Variants in PDE8A observed in about 807,000 individuals in gnomAD.
PDE8A encodes the protein high affinity cAMP-specific and IBMX-insensitive 3',5'-cyclic phosphodiesterase 8A.
PDE8A carries 59 observed loss-of-function variants against 105.0 expected under a neutral mutation model. The observed-to-expected ratio is 0.56, with a 90% CI of 0.46 to 0.70. The LOEUF is 0.70. PDE8A is among the 30% of genes least tolerant of loss of function. PDE8A has a pLI of 0.00. For synonymous variants in PDE8A, 355 were observed against 371.9 expected, an observed-to-expected ratio of 0.95 and a Z score of 0.52; for missense variants, 1,014 against 1,045.9, an observed-to-expected ratio of 0.97 and a Z score of 0.42.
intron 19 of PDE8A, among the ~76,000 whole-genome samples, chr15:85,125,419 C>T (rs1171327068): frequency 6.6e-6 from 1 of 152,090 alleles, no homozygotes; most frequent in Non-Finnish European, 1.5e-5. Flanking sequence ...AATAGTGGTT[C>T]TATTACATCA....
chr15:84,994,935 C>T (rs2079950632), intron 1 of PDE8A, among the ~76,000 whole-genome samples: 1 of 150,916 alleles, frequency 6.6e-6, no homozygotes, highest in Non-Finnish European at 1.5e-5. Flanking sequence ...GCACTCCAGC[C>T]TGGGCAACAA....
intron 20 of PDE8A, among the ~76,000 whole-genome samples, chr15:85,135,531 G>C (rs976519680): frequency 6.6e-6 from 1 of 151,948 alleles, no homozygotes; most frequent in South Asian, 2.1e-4. Context: ...CTCCATCTGC[G>C]CTCACCCTGT....
chr15:84,981,167 G>C (rs1179325312), upstream of PDE8A, among the ~76,000 whole-genome samples: 4 of 152,258 alleles, frequency 2.6e-5, no homozygotes, highest in Non-Finnish European at 5.9e-5. Flanking sequence ...GGTGGCCTCG[G>C]GACGGAGGTG....
chr15:85,007,646 TG>T (rs904781073), intron 1 of PDE8A, among the ~76,000 whole-genome samples: 14 of 152,046 alleles, frequency 9.2e-5, no homozygotes, highest in African/African-American at 1.4e-4. Context: ...TTACTTAACC[TG>T]TTTGTGCCTC....
chr15:85,126,473 A>C (rs1005480383), intron 20 of PDE8A, 99 bp downstream of exon 20: 121 of 931,326 alleles, frequency 1.3e-4, no homozygotes, highest in Non-Finnish European at 1.7e-4. Flanking sequence ...TAGGGTTCTA[A>C]AAAAATTCTG....
chr15:85,110,652 G>A (rs937111405), intron 12 of PDE8A, among the ~76,000 whole-genome samples: 5 of 152,212 alleles, frequency 3.3e-5, no homozygotes, highest in South Asian at 4.1e-4. Context: ...GTAGTATTCC[G>A]TTACAGGAAT....
chr15:84,999,434 T>C (rs1202679841), intron 1 of PDE8A, among the ~76,000 whole-genome samples: 4 of 152,146 alleles, frequency 2.6e-5, no homozygotes, highest in East Asian at 1.9e-4. Flanking sequence ...ATATTCCTTA[T>C]TGAACAATAA....
chr15:85,089,491 A>G (rs1596506587), intron 7 of PDE8A, 75 bp downstream of exon 7: 1 of 751,294 alleles, frequency 1.3e-6, no homozygotes, highest in South Asian at 1.8e-5. Context: ...GAACCTCTCC[A>G]ATATGATTTT....
At chr15:85,028,506 C>T (rs2080556528) in intron 1 of PDE8A, among the ~76,000 whole-genome samples, 1 of 152,192 alleles carries the variant, frequency 6.6e-6, no homozygotes, top group Non-Finnish European at 1.5e-5. Context: ...TGAGCCACCA[C>T]GCCCGCCCAG....
intron 1 of PDE8A, among the ~76,000 whole-genome samples, chr15:85,002,914 C>G (rs1435516217): frequency 6.6e-6 from 1 of 152,170 alleles, no homozygotes; most frequent in African/African-American, 2.4e-5. Flanking sequence ...AAAAGATAAG[C>G]TATGAGTGAG....
At chr15:85,064,651 A>G (rs747194451) in intron 2 of PDE8A, among the ~76,000 whole-genome samples, 1 of 152,188 alleles carries the variant, frequency 6.6e-6, no homozygotes, top group Non-Finnish European at 1.5e-5. Flanking sequence ...TTTGTAGCCT[A>G]CTTTCATTGG....
intron 1 of PDE8A, among the ~76,000 whole-genome samples, chr15:84,986,875 A>G (rs927401228): frequency 6.6e-6 from 1 of 152,152 alleles, no homozygotes; most frequent in African/African-American, 2.4e-5. Flanking sequence ...TCAGCCTACC[A>G]AAGTGCTGGG....
intron 1 of PDE8A, among the ~76,000 whole-genome samples, chr15:85,058,861 T>A (rs2081102419): frequency 1.3e-5 from 2 of 152,314 alleles, no homozygotes; most frequent in South Asian, 4.1e-4. Flanking sequence ...TTTGGTTTCC[T>A]TGATTTTTCT....
chr15:85,024,322 A>G (rs769789668), intron 1 of PDE8A, among the ~76,000 whole-genome samples: 10 of 152,178 alleles, frequency 6.6e-5, no homozygotes, highest in Non-Finnish European at 1.2e-4. Flanking sequence ...CCTGGCATAT[A>G]TTTGGTTGAA....
chr15:85,007,607 A>G (rs765090338), intron 1 of PDE8A, among the ~76,000 whole-genome samples: 3 of 152,058 alleles, frequency 2.0e-5, no homozygotes, highest in Non-Finnish European at 2.9e-5. Context: ...TCAGCTCTGC[A>G]ACTTTATAGC....
intron 19 of PDE8A, 100 bp downstream of exon 19, chr15:85,123,293 C>T: frequency 2.9e-6 from 3 of 1,042,950 alleles, no homozygotes; most frequent in Middle Eastern, 4.2e-4. Flanking sequence ...GAAGGGTTCC[C>T]TCAGTGAGTC....
At chr15:85,046,091 A>G (rs1235647803) in intron 1 of PDE8A, among the ~76,000 whole-genome samples, 1 of 142,156 alleles carries the variant, frequency 7.0e-6, no homozygotes, top group Non-Finnish European at 1.5e-5. Context: ...TTTTTAAGAC[A>G]GAGTCTCGCC....
At chr15:85,041,883 CT>C (rs2080814587) in intron 1 of PDE8A, among the ~76,000 whole-genome samples, 1 of 152,174 alleles carries the variant, frequency 6.6e-6, no homozygotes, top group Non-Finnish European at 1.5e-5. Flanking sequence ...TTCTCACATT[CT>C]TTGTTGATGT....
chr15:85,009,858 C>T (rs1373534357), intron 1 of PDE8A, among the ~76,000 whole-genome samples: 1 of 152,168 alleles, frequency 6.6e-6, no homozygotes, highest in Non-Finnish European at 1.5e-5. Context: ...ATTAGTCGTA[C>T]TAGCTAAAAA....
Sources: allele counts gnomAD v4.1 joint callset (sites outside exome capture counted in the v4.1 genomes callset), GRCh38; gene constraint gnomAD v4.1.1; transcripts MANE v1.5; gene names NCBI Gene and HGNC (gene_info 2026-07-23, HGNC 2026-07-21).